ATE1: variants seen among roughly 807,000 people sequenced by gnomAD.
The protein encoded by ATE1 is arginyl-tRNA--protein transferase 1.
Under a neutral mutation model 70.5 loss-of-function variants are expected in ATE1, and 36 were observed. The ratio of observed to expected loss-of-function variants is 0.51; its 90% CI spans 0.39 to 0.67. The LOEUF is 0.67. Among genes scored for constraint, ATE1 ranks in the 30% least tolerant of loss-of-function variants. The probability of loss-of-function intolerance (pLI) is 0.00; values close to 1 mark genes in which losing one functional copy is unlikely to be tolerated. For synonymous variants in ATE1, 232 were observed against 219.3 expected (o/e 1.06, Z -0.51); for missense variants, 593 against 629.5 (o/e 0.94, Z 0.62).
At chr10:121,789,234 C>T (rs959182424) in intron 11 of ATE1, among the ~76,000 whole-genome samples, 2 of 148,170 alleles carry the variant, frequency 1.3e-5, no homozygotes, top group Non-Finnish European at 3.0e-5. Flanking sequence ...TAAGGGCATA[C>T]AGTTTACCAG....
chr10:121,831,337 CATATAAACTTATTA>C (rs1356807072), intron 10 of ATE1, among the ~76,000 whole-genome samples: 1 of 152,116 alleles, frequency 6.6e-6, no homozygotes, highest in Admixed American at 6.5e-5. Context: ...TCATATTTTG[CATATAAACTTATTA>C]ATATTTATAT....
In ATE1 at chr10:121,920,141, G is replaced by C. The variant is rs150034041; in HGVS notation, c.233+2208C>G. ...TGAGTATATATACACATTGAAATTGGGGGCAAATACATGCTTCAAAATGTT... is the reference window on the plus strand; with the variant it reads ...TGAGTATATATACACATTGAAATTGCGGGCAAATACATGCTTCAAAATGTT... On this transcript the variant is annotated intron_variant, in intron 3 of 11. Coordinates refer to ENST00000224652, the MANE Select transcript of ATE1 (RefSeq NM_001001976.3). Among the ~76,000 whole-genome samples, 510 of 151,928 alleles carry C rather than the reference G, an allele frequency of 3.4e-3. 3 individuals carry two copies. The highest frequency in any genetic ancestry group is 0.012 in the African/African-American group (496 of 41,442).
chr10:121,853,858 T>C (rs934492291), intron 8 of ATE1, among the ~76,000 whole-genome samples: 2 of 152,164 alleles, frequency 1.3e-5, no homozygotes, highest in South Asian at 2.1e-4. Flanking sequence ...TGGTGAGGGT[T>C]TGTTACTCAT....
chr10:121,745,029 G>C (rs182997917), intron 11 of ATE1, among the ~76,000 whole-genome samples: 2 of 152,280 alleles, frequency 1.3e-5, no homozygotes, highest in East Asian at 3.9e-4. Context: ...CAAAACAAAA[G>C]CTAGAAGGGA....
At chr10:121,834,194 T>C (rs547863351) in intron 10 of ATE1, among the ~76,000 whole-genome samples, 36 of 152,252 alleles carry the variant, frequency 2.4e-4, no homozygotes, top group African/African-American at 8.7e-4. Context: ...GACTACACAA[T>C]CTAAAGTAGC....
At chr10:121,893,344 T>G (rs1175688622) in intron 7 of ATE1, among the ~76,000 whole-genome samples, 1 of 150,958 alleles carries the variant, frequency 6.6e-6, no homozygotes, top group Non-Finnish European at 1.5e-5. Flanking sequence ...GACAATAACA[T>G]GGAGAAAATT....
chr10:121,925,551 A>G (rs1952054550), intron 1 of ATE1, among the ~76,000 whole-genome samples: 1 of 152,148 alleles, frequency 6.6e-6, no homozygotes, highest in East Asian at 1.9e-4. Flanking sequence ...AAAAAAACGA[A>G]GACTATGAGG....
At chr10:121,909,736 G>A (rs1419485872) in intron 5 of ATE1, among the ~76,000 whole-genome samples, 1 of 152,136 alleles carries the variant, frequency 6.6e-6, no homozygotes, top group African/African-American at 2.4e-5. Context: ...GAAAGAAACT[G>A]TCTGAATTAT....
chr10:121,909,095 C>G (rs1207438195), intron 5 of ATE1, among the ~76,000 whole-genome samples: 1 of 152,122 alleles, frequency 6.6e-6, no homozygotes, highest in Non-Finnish European at 1.5e-5. Flanking sequence ...CTCAGGTGAT[C>G]CTCCCACCTC....
intron 7 of ATE1, among the ~76,000 whole-genome samples, chr10:121,881,485 A>C (rs1368946682): frequency 6.6e-6 from 1 of 152,166 alleles, no homozygotes; most frequent in Non-Finnish European, 1.5e-5. Context: ...AAAGCAATTA[A>C]GAAATACACG....
At chr10:121,859,362 T>C (rs1383701042) in intron 8 of ATE1, among the ~76,000 whole-genome samples, 2 of 150,874 alleles carry the variant, frequency 1.3e-5, no homozygotes, top group African/African-American at 4.9e-5. Flanking sequence ...GTTCACGCCA[T>C]TCTCCTGCCT....
intron 7 of ATE1, among the ~76,000 whole-genome samples, chr10:121,870,284 T>C (rs1949805142): frequency 6.6e-6 from 1 of 152,190 alleles, no homozygotes; most frequent in Non-Finnish European, 1.5e-5. Flanking sequence ...TAAAAGCACA[T>C]AAAGCACAAC....
chr10:121,858,477 C>T (rs889126490), intron 8 of ATE1, among the ~76,000 whole-genome samples: 2 of 151,476 alleles, frequency 1.3e-5, no homozygotes, highest in Admixed American at 6.6e-5. Flanking sequence ...GTTGGCTTCA[C>T]CATAACTTTG....
intron 11 of ATE1, among the ~76,000 whole-genome samples, chr10:121,771,202 C>G (rs1475471669): frequency 6.6e-6 from 1 of 152,192 alleles, no homozygotes; most frequent in Non-Finnish European, 1.5e-5. Flanking sequence ...TCCCAAGTAG[C>G]TGGGATTATA....
Position 121,789,577 on chromosome 10 carries a change from G to C in ATE1, c.1378+592C>G, listed in dbSNP as rs11200155. On this transcript the variant is annotated intron_variant, in intron 11 of 11. Coordinates refer to ENST00000224652, the MANE Select transcript of ATE1 (RefSeq NM_001001976.3). ...GCCTCCCAAAGTGCTGGGATTATAG[G>C]TGTGAGCCACGGCACCCAGCCAGGG... Among the ~76,000 whole-genome samples the C allele has an allele frequency of 2.8e-3, 429 of 152,170 alleles. 7 individuals are homozygous for C. The East Asian group carries it at 0.03, about 11-fold the overall frequency.
chr10:121,822,261 A>G (rs1947828408), intron 10 of ATE1, among the ~76,000 whole-genome samples: 1 of 152,236 alleles, frequency 6.6e-6, no homozygotes, highest in Admixed American at 6.5e-5. Flanking sequence ...CACAAAGATA[A>G]TGTTGAGTGA....
rs370753307 is a variant in ATE1, at chr10:121,838,251, T to C, written c.1158-1434A>G. On this transcript the variant is annotated intron_variant, in intron 9 of 11. Transcript: ENST00000224652. ...ACCCCAGCAGTGGGTTGGCACCACATATAAATAAAACCCAACCTCCCCACC... is the reference window on the plus strand; with the variant it reads ...ACCCCAGCAGTGGGTTGGCACCACACATAAATAAAACCCAACCTCCCCACC... Among the ~76,000 whole-genome samples the C allele has an allele frequency of 3.0e-4, 46 of 152,068 alleles. No homozygotes were observed. The South Asian group carries it at 9.1e-3, about 30-fold the overall frequency.
chr10:121,838,715 C>A (rs1590442614), intron 9 of ATE1, among the ~76,000 whole-genome samples: 1 of 152,234 alleles, frequency 6.6e-6, no homozygotes, highest in East Asian at 1.9e-4. Flanking sequence ...CTGTCTTATT[C>A]ATGTCTATGA....
intron 1 of ATE1, among the ~76,000 whole-genome samples, chr10:121,926,352 A>G (rs958207324): frequency 6.6e-6 from 1 of 152,168 alleles, no homozygotes; most frequent in African/African-American, 2.4e-5. Flanking sequence ...CCTGGCAGGC[A>G]CTCACTCACA....
Sources: allele counts gnomAD v4.1 joint callset (sites outside exome capture counted in the v4.1 genomes callset), GRCh38; gene constraint gnomAD v4.1.1; transcripts MANE v1.5; gene names NCBI Gene and HGNC (gene_info 2026-07-23, HGNC 2026-07-21).